GABRG3: variants seen among roughly 807,000 people sequenced by gnomAD.
GABRG3 encodes gamma-aminobutyric acid type A receptor subunit gamma3.
A neutral mutation model predicts 48.8 loss-of-function variants in GABRG3; 25 were observed. The ratio of observed to expected loss-of-function variants is 0.51; its 90% CI spans 0.37 to 0.72. The LOEUF (loss-of-function observed/expected upper bound fraction) is 0.72, where lower values mean the gene tolerates loss of function less well. GABRG3 is among the 30% of genes least tolerant of loss of function. The probability of loss-of-function intolerance (pLI) is 0.00; values close to 1 mark genes in which losing one functional copy is unlikely to be tolerated. For synonymous variants in GABRG3, 227 were observed against 217.6 expected (o/e 1.04, Z -0.38); for missense variants, 394 against 577.9 (o/e 0.68, Z 3.26).
At chr15:27,197,584 G>A (rs1424774402) in intron 3 of GABRG3, among the ~76,000 whole-genome samples, 2 of 151,942 alleles carry the variant, frequency 1.3e-5, no homozygotes, top group Non-Finnish European at 1.5e-5. Flanking sequence ...GTTGAGCGGT[G>A]CATTTAGAAG....
intron 3 of GABRG3, among the ~76,000 whole-genome samples, chr15:27,304,030 A>C (rs1034296298): frequency 1.3e-5 from 2 of 151,968 alleles, no homozygotes; most frequent in Non-Finnish European, 2.9e-5. Context: ...ATTTGACAAA[A>C]TACATCATCT....
intron 3 of GABRG3, among the ~76,000 whole-genome samples, chr15:27,246,217 G>A (rs1890267045): frequency 1.3e-5 from 2 of 152,290 alleles, no homozygotes; most frequent in Non-Finnish European, 2.9e-5. Flanking sequence ...CTGATGACAT[G>A]TGGATGCAGT....
chr15:27,074,643 T>C (rs1477097286), intron 3 of GABRG3, among the ~76,000 whole-genome samples: 30 of 124,426 alleles, frequency 2.4e-4, no homozygotes, highest in Admixed American at 2.0e-3. Flanking sequence ...TAGCATTTAC[T>C]TTTTTTTTTT....
intron 3 of GABRG3, among the ~76,000 whole-genome samples, chr15:27,312,051 A>C (rs544340096): frequency 6.6e-6 from 1 of 152,274 alleles, no homozygotes; most frequent in East Asian, 1.9e-4. Flanking sequence ...TATTATAAAG[A>C]TGCTCACCAG....
chr15:27,388,157 A>AG (rs1407439528), intron 5 of GABRG3, among the ~76,000 whole-genome samples: 2,824 of 49,266 alleles, frequency 0.057, 84 homozygotes, highest in Non-Finnish European at 0.066. Context: ...GAAGGAAGGA[A>AG]GAAAGGAAGG....
intron 3 of GABRG3, among the ~76,000 whole-genome samples, chr15:27,313,260 GTGTATATA>G (rs1415134554): frequency 8.7e-4 from 43 of 49,538 alleles, no homozygotes; most frequent in Admixed American, 2.7e-3. Flanking sequence ...GTGTGTGTGT[GTGTATATA>G]TATATATATA....
chr15:27,306,539 TATA>T (rs1166624319), intron 3 of GABRG3, among the ~76,000 whole-genome samples: 10 of 133,702 alleles, frequency 7.5e-5, no homozygotes, highest in African/African-American at 1.7e-4. Flanking sequence ...AACATAAACA[TATA>T]ATATAAACAT....
chr15:27,470,934 G>T (rs1889770924), intron 5 of GABRG3, among the ~76,000 whole-genome samples: 1 of 150,926 alleles, frequency 6.6e-6, no homozygotes, highest in African/African-American at 2.5e-5. Flanking sequence ...TTAATATTTA[G>T]ATCCCTGATC....
chr15:27,407,617 A>G (rs540795498), intron 5 of GABRG3, among the ~76,000 whole-genome samples: 3 of 152,356 alleles, frequency 2.0e-5, no homozygotes, highest in South Asian at 2.1e-4. Flanking sequence ...ACAATGGAAT[A>G]TTATTCAGGG....
chr15:27,259,654 AAC>A (rs1266804271), intron 3 of GABRG3, among the ~76,000 whole-genome samples: 9 of 152,278 alleles, frequency 5.9e-5, no homozygotes, highest in African/African-American at 2.2e-4. Flanking sequence ...TCTGGGGGTT[AAC>A]TTGTCAGTAA....
intron 3 of GABRG3, among the ~76,000 whole-genome samples, chr15:27,298,194 C>T (rs1185888930): frequency 6.6e-6 from 1 of 152,076 alleles, no homozygotes; most frequent in East Asian, 1.9e-4. Context: ...AATAAAAAGA[C>T]CCTCTAAGAT....
At chr15:27,305,259 A>C (rs1892358080) in intron 3 of GABRG3, among the ~76,000 whole-genome samples, 1 of 151,676 alleles carries the variant, frequency 6.6e-6, no homozygotes, top group South Asian at 2.1e-4. Context: ...AAAATTTTAA[A>C]ACATCATTTA....
Position 27,213,875 on chromosome 15 carries a change from G to GT in GABRG3, c.271-112933dup, listed in dbSNP as rs370071782. 7.2e-3 allele frequency among the ~76,000 whole-genome samples: 1,094 copies of GT among 152,342 alleles called. 15 individuals carry two copies. The highest frequency in any genetic ancestry group is 0.025 in the African/African-American group (1,023 of 41,566). ...CTGCACAGGCAGGAACGTGGAGCAG[G>GT]TGTGTTTGCTTGTTTGCAACCTGGG... On this transcript the variant is annotated intron_variant, in intron 3 of 9. Coordinates refer to ENST00000615808, the MANE Select transcript of GABRG3 (RefSeq NM_033223.5).
chr15:27,474,004 G>C (rs1385949289), intron 5 of GABRG3, among the ~76,000 whole-genome samples: 1 of 152,194 alleles, frequency 6.6e-6, no homozygotes, highest in Non-Finnish European at 1.5e-5. Flanking sequence ...AGGCCCTGAA[G>C]AGGGACTTCT....
chr15:27,406,931 T>C (rs1185388486), intron 5 of GABRG3, among the ~76,000 whole-genome samples: 1 of 152,120 alleles, frequency 6.6e-6, no homozygotes, highest in Non-Finnish European at 1.5e-5. Flanking sequence ...TTTTTGTTGT[T>C]GTTGTTGTTG....
chr15:27,301,179 A>G (rs1484324145), intron 3 of GABRG3, among the ~76,000 whole-genome samples: 1 of 152,188 alleles, frequency 6.6e-6, no homozygotes, highest in Non-Finnish European at 1.5e-5. Context: ...GTCATCGAAG[A>G]AGGATAAGCG....
At chr15:27,473,998 C>T (rs1340057165) in intron 5 of GABRG3, among the ~76,000 whole-genome samples, 1 of 152,082 alleles carries the variant, frequency 6.6e-6, no homozygotes, top group African/African-American at 2.4e-5. Context: ...ACACAGAGGC[C>T]CTGAAGAGGG....
At chr15:27,271,780 G>A in intron 3 of GABRG3, 1 of 366,276 alleles carries the variant, frequency 2.7e-6, no homozygotes, top group Non-Finnish European at 5.5e-6. Context: ...GGACGCATAG[G>A]CAGGTGATGG....
At chr15:27,200,044 T>C (rs12324881) in intron 3 of GABRG3, among the ~76,000 whole-genome samples, 104,110 of 151,604 alleles carry the variant, frequency 0.69, 36,715 homozygotes, top group East Asian at 0.88. Flanking sequence ...TCCCTCCCTT[T>C]CTCTCTTCCT....
Sources: gnomAD v4.1 joint callset for allele counts (sites outside exome capture counted in the v4.1 genomes callset) on GRCh38, gnomAD v4.1.1 for gene constraint, MANE v1.5 for transcripts, NCBI Gene and HGNC (gene_info 2026-07-23, HGNC 2026-07-21) for gene names.